Variants in NT5C2 observed in about 807,000 individuals in gnomAD.
NT5C2 encodes the protein cytosolic purine 5'-nucleotidase.
NT5C2 carries 58 observed loss-of-function variants against 76.1 expected under a neutral mutation model. The ratio of observed to expected loss-of-function variants is 0.76; its 90% CI spans 0.62 to 0.95. The LOEUF (loss-of-function observed/expected upper bound fraction) is 0.95. Ranked by LOEUF, NT5C2 falls within the 40% of genes least tolerant of loss-of-function variation. The probability of loss-of-function intolerance (pLI) is 0.00; values close to 1 mark genes in which losing one functional copy is unlikely to be tolerated. For synonymous variants in NT5C2, 229 were observed against 237.4 expected (o/e 0.96, Z 0.32); for missense variants, 478 against 690.3 (o/e 0.69, Z 3.45).
At chr10:103,178,793 C>T (rs1378993790) in intron 2 of NT5C2, among the ~76,000 whole-genome samples, 1 of 148,672 alleles carries the variant, frequency 6.7e-6, no homozygotes, top group African/African-American at 2.5e-5. Context: ...CGAGATCACA[C>T]CACTACACTC....
At chr10:103,147,485 G>A (rs1266864571) in intron 3 of NT5C2, among the ~76,000 whole-genome samples, 1 of 152,174 alleles carries the variant, frequency 6.6e-6, no homozygotes, top group South Asian at 2.1e-4. Flanking sequence ...TTGTGCCACA[G>A]AACTATGTGA....
chr10:103,154,545 C>T (rs1272927717), intron 3 of NT5C2, among the ~76,000 whole-genome samples: 3 of 152,178 alleles, frequency 2.0e-5, no homozygotes, highest in Admixed American at 2.0e-4. Context: ...TCCAGCTCCT[C>T]CACTTTCTGG....
At chr10:103,099,863 T>C in intron 9 of NT5C2, 63 bp downstream of exon 9, 1 of 1,051,980 alleles carries the variant, frequency 9.5e-7, no homozygotes, top group East Asian at 2.4e-5. Flanking sequence ...ATTTGGAAAG[T>C]TAATGCCACG....
chr10:103,186,955 A>C (rs2092101806), intron 1 of NT5C2, among the ~76,000 whole-genome samples: 2 of 151,440 alleles, frequency 1.3e-5, no homozygotes, highest in African/African-American at 4.9e-5. Flanking sequence ...GATTTGTGAA[A>C]GATTCTAATG....
rs1591836910 is a variant in NT5C2, at chr10:103,181,185, C to T, written c.-25G>A. ...ATACTCTGTGCAACTTATTGTATAC[C>T]AATTATGCCACAATAAGACTTTTTC... On this transcript the variant is annotated splice_region_variant and 5_prime_UTR_variant, in exon 2 of 19. Coordinates refer to ENST00000404739, the MANE Select transcript of NT5C2 (RefSeq NM_001351169.2). 6.6e-6 allele frequency: 1 copy of T among 151,848 alleles called. No individual in the cohort carries two copies. Among genetic ancestry groups the T allele is most frequent in the South Asian group, 2.1e-4 (1 of 4,798 alleles). 9.4% of individuals were successfully genotyped at this position (151,848 alleles called of 1,614,324 possible).
At chr10:103,180,272 G>A (rs2090823258) in intron 2 of NT5C2, among the ~76,000 whole-genome samples, 1 of 152,144 alleles carries the variant, frequency 6.6e-6, no homozygotes. Context: ...AGAATGTAGA[G>A]CAACCTGAAT....
At position 103,098,922 on chromosome 10, in the gene NT5C2, A is replaced by T; in HGVS notation, c.687+9T>A. The stretch of plus-strand genomic sequence containing the variant: ...ATTATGCAGATCTATTTTCCCCTAT[A>T]TTACTTACATCTTTGACTACATACT... On this transcript the variant is annotated intron_variant, in intron 10 of 18. Transcript: ENST00000404739. 6.3e-7 allele frequency: 1 copy of T among 1,586,904 alleles called. No homozygotes were observed. The highest frequency in any genetic ancestry group is 8.6e-7 in the Non-Finnish European group (1 of 1,156,962).
intron 4 of NT5C2, among the ~76,000 whole-genome samples, chr10:103,115,933 C>A (rs2074242044): frequency 6.6e-6 from 1 of 151,990 alleles, no homozygotes; most frequent in Non-Finnish European, 1.5e-5. Flanking sequence ...AGTATTATTT[C>A]TTTTAAATTA....
At chr10:103,105,981 A>C (rs1224851050) in intron 5 of NT5C2, among the ~76,000 whole-genome samples, 180 bp from the exon 6 acceptor site, 1 of 152,198 alleles carries the variant, frequency 6.6e-6, no homozygotes, top group Non-Finnish European at 1.5e-5. Flanking sequence ...GCAACTAAAA[A>C]ATATTGACTC....
chr10:103,139,397 G>C lies in NT5C2; in HGVS notation c.175+9C>G, dbSNP rs2079948718. The stretch of plus-strand genomic sequence containing the variant: ...AGCAGTTCTTAAGCAATCAGAAATT[G>C]CTACTCACCAGCAAGGGTATAATCC... On this transcript the variant is annotated intron_variant, in intron 4 of 18. Transcript: ENST00000404739. 1 of 1,557,960 alleles carries C rather than the reference G, an allele frequency of 6.4e-7. No individual in the cohort carries two copies. Among genetic ancestry groups the C allele is most frequent in the East Asian group, 2.4e-5 (1 of 42,514 alleles).
chr10:103,136,452 C>A (rs144802797), intron 4 of NT5C2, among the ~76,000 whole-genome samples: 4 of 152,100 alleles, frequency 2.6e-5, no homozygotes, highest in African/African-American at 9.7e-5. Context: ...GCACTTGGAA[C>A]GGGTCCTGGC....
chr10:103,178,089 T>C (rs980194921), intron 2 of NT5C2, among the ~76,000 whole-genome samples: 11 of 152,228 alleles, frequency 7.2e-5, no homozygotes, highest in Admixed American at 2.0e-4. Context: ...CTCATCCATG[T>C]AGTATCACAT....
At chr10:103,105,938 A>G in intron 5 of NT5C2, 137 bp from the exon 6 acceptor site, 1 of 554,280 alleles carries the variant, frequency 1.8e-6, no homozygotes, top group Non-Finnish European at 3.2e-6. Flanking sequence ...TAATATAGCT[A>G]AAGTGAGTAA....
intron 18 of NT5C2, 110 bp downstream of exon 18, chr10:103,090,501 C>A: frequency 1.0e-6 from 1 of 973,010 alleles, no homozygotes; most frequent in Non-Finnish European, 1.5e-6. Flanking sequence ...CCCCTGGGCT[C>A]TGTACATCAG....
intron 3 of NT5C2, among the ~76,000 whole-genome samples, chr10:103,160,237 A>AGTAAATGAAAATGGATCAAAAAC (rs1591600045): frequency 6.6e-6 from 1 of 152,220 alleles, no homozygotes; most frequent in East Asian, 1.9e-4. Context: ...TAACAAAAAA[A>AGTAAATGAAAATGGATCAAAAAC]GTAAATGAAA....
chr10:103,097,141 T>C, intron 11 of NT5C2, 150 bp downstream of exon 11: 1 of 533,026 alleles, frequency 1.9e-6, no homozygotes, highest in South Asian at 3.3e-5. Context: ...ACCACTGTTA[T>C]CCTGTATATT....
chr10:103,130,583 T>TAAAAAAA (rs5787482), intron 4 of NT5C2, among the ~76,000 whole-genome samples: 3 of 137,364 alleles, frequency 2.2e-5, no homozygotes, highest in South Asian at 2.3e-4. Context: ...AAATAAAAAT[T>TAAAAAAA]AAAAAAAAAA....
chr10:103,089,644 T>C lies in NT5C2; in HGVS notation c.*28A>G, dbSNP rs1298082782. The stretch of plus-strand genomic sequence containing the variant: ...GTGAGTCCTGCCAGGACTTGTTTAA[T>C]GGGTGCTTGGGGTTTTGGTTTTCCT... On this transcript the variant is annotated 3_prime_UTR_variant, in exon 19 of 19. Coordinates refer to ENST00000404739, the MANE Select transcript of NT5C2 (RefSeq NM_001351169.2). The C allele has an allele frequency of 6.4e-7, 1 of 1,554,958 alleles. No individual in the cohort carries two copies. Among genetic ancestry groups the C allele is most frequent in the East Asian group, 2.3e-5 (1 of 44,262 alleles).
intron 4 of NT5C2, among the ~76,000 whole-genome samples, chr10:103,130,946 C>T (rs990127632): frequency 6.6e-6 from 1 of 152,180 alleles, no homozygotes; most frequent in African/African-American, 2.4e-5. Flanking sequence ...AAGACTAAAT[C>T]CCAACCCCCA....
Sources: gnomAD v4.1 joint callset for allele counts (sites outside exome capture counted in the v4.1 genomes callset) on GRCh38, gnomAD v4.1.1 for gene constraint, MANE v1.5 for transcripts, NCBI Gene and HGNC (gene_info 2026-07-23, HGNC 2026-07-21) for gene names.